IL17REL: variants seen among roughly 807,000 people sequenced by gnomAD.
IL17REL encodes the protein interleukin 17 receptor E like.
Under a neutral mutation model 49.0 loss-of-function variants are expected in IL17REL, and 36 were observed. The observed-to-expected ratio is 0.73, with a 90% CI of 0.56 to 0.97. IL17REL has a LOEUF of 0.97. Ranked by LOEUF, IL17REL falls within the 50% of genes least tolerant of loss-of-function variation. IL17REL has a pLI of 0.00. For synonymous variants in IL17REL, 206 were observed against 192.4 expected (o/e 1.07, Z -0.58); for missense variants, 470 against 453.9 (o/e 1.04, Z -0.32).
At position 50,000,627 on chromosome 22, in the gene IL17REL, G is replaced by C. The variant is rs367789597; in HGVS notation, c.220-35C>G. 14 of 1,587,686 alleles carry C rather than the reference G, an allele frequency of 8.8e-6. No individual in the cohort carries two copies. In the African/African-American group the frequency reaches 1.5e-4, roughly 17 times the overall value. ...TGCAGGTGTGAGCTGCGTGGACTCA[G>C]AGGCACTGCCCACCCCACCCGGCCA... On this transcript the variant is annotated intron_variant, in intron 3 of 12. Coordinates refer to ENST00000341280, the Ensembl canonical transcript of IL17REL.
chr22:50,011,094 C>T (rs1351915919), upstream of IL17REL, among the ~76,000 whole-genome samples: 1 of 151,846 alleles, frequency 6.6e-6, no homozygotes, highest in African/African-American at 2.4e-5. Flanking sequence ...CAACCACCGC[C>T]CTGTCCAAGG....
Position 50,007,544 on chromosome 22 carries a change from T to TTTGG in IL17REL, c.-42+1092_-42+1093insCCAA, listed in dbSNP as rs1555949675. ...TGCCACCACACTCAGTTAATTTTTT[T>TTTGG]GGGGGGGGGATTCTTAGTACAGACA... On this transcript the variant is annotated intron_variant, in intron 1 of 12. Coordinates refer to ENST00000341280, the Ensembl canonical transcript of IL17REL. 6.0e-5 allele frequency among the ~76,000 whole-genome samples: 9 copies of TTTGG among 150,190 alleles called. No individual in the cohort carries two copies. The East Asian group carries it at 1.2e-3, about 20-fold the overall frequency.
At chr22:49,998,538 G>A (rs866796895) in intron 7 of IL17REL, among the ~76,000 whole-genome samples, 33 of 152,240 alleles carry the variant, frequency 2.2e-4, no homozygotes, top group African/African-American at 7.9e-4. Context: ...GTGCATGGGT[G>A]TCATGGGTAT....
chr22:50,011,537 A>G (rs539179247), upstream of IL17REL, among the ~76,000 whole-genome samples: 6 of 151,418 alleles, frequency 4.0e-5, no homozygotes, highest in East Asian at 2.0e-4. Context: ...CTGAGGTCTC[A>G]TCTCTCGCTT....
chr22:50,006,826 A>G (rs1438616331), intron 1 of IL17REL, among the ~76,000 whole-genome samples: 1 of 151,860 alleles, frequency 6.6e-6, no homozygotes, highest in Non-Finnish European at 1.5e-5. Flanking sequence ...ATGGTGGCAC[A>G]TGCCTGTAAT....
chr22:49,998,036 G>A (rs746848141), exon 9 of IL17REL: 2 of 1,597,182 alleles, frequency 1.3e-6, no homozygotes, highest in Non-Finnish European at 1.7e-6. Flanking sequence ...TTCAGGCAGA[G>A]CTGGGGCTGG....
intron 10 of IL17REL, 87 bp downstream of exon 12, chr22:49,997,598 G>A (rs755563298): frequency 3.0e-5 from 45 of 1,477,094 alleles, no homozygotes; most frequent in African/African-American, 2.4e-4. Flanking sequence ...GCTTGGCACC[G>A]TTATTCCACC....
In IL17REL at chr22:50,001,603, G is replaced by A. The variant is rs577166297; in HGVS notation, c.-41-372C>T. ...GACGAACAGCAGAAAAGGCCAACAC[G>A]GGCTTGCTGGGACACCTGGGAGGCG... On this transcript the variant is annotated intron_variant, in intron 1 of 12. Transcript: ENST00000341280. Among the ~76,000 whole-genome samples, 60 of 152,332 alleles carry A rather than the reference G, an allele frequency of 3.9e-4. 1 individual carries two copies. Among genetic ancestry groups the A allele is most frequent in the African/African-American group, 1.3e-3 (55 of 41,576 alleles).
At chr22:49,997,395 G>T in exon 11 of IL17REL, 1 of 1,613,846 alleles carries the variant, frequency 6.2e-7, no homozygotes, top group Non-Finnish European at 8.5e-7. Flanking sequence ...TGTGACACAG[G>T]TGCACCTGGA....
chr22:49,996,745 G>C (rs559314603), exon 13 of IL17REL: 41 of 429,974 alleles, frequency 9.5e-5, no homozygotes, highest in Non-Finnish European at 1.6e-4. Flanking sequence ...CCAGCCTGCC[G>C]TGGGAGGCCT....
intron 7 of IL17REL, 40 bp downstream of exon 9, chr22:49,999,251 A>G: frequency 6.2e-7 from 1 of 1,611,204 alleles, no homozygotes; most frequent in Non-Finnish European, 8.5e-7. Context: ...GGCCGCAGCC[A>G]TTCCCACCCT....
chr22:50,011,207 C>T (rs2061139469), upstream of IL17REL, among the ~76,000 whole-genome samples: 1 of 151,570 alleles, frequency 6.6e-6, no homozygotes, highest in Non-Finnish European at 1.5e-5. Context: ...CCATGAGACC[C>T]TCCCTCAGCC....
upstream of IL17REL, chr22:50,008,924 G>A (rs2061124076): frequency 6.6e-6 from 1 of 152,296 alleles, no homozygotes; most frequent in Admixed American, 6.5e-5. Flanking sequence ...CACCCACTAC[G>A]TGCCAGGCTC....
chr22:50,003,296 C>T (rs542532525), intron 1 of IL17REL, among the ~76,000 whole-genome samples: 407 of 152,032 alleles, frequency 2.7e-3, no homozygotes, highest in Non-Finnish European at 4.5e-3. Context: ...CCAAGGCGGG[C>T]GGATCACCTG....
chr22:50,003,519 C>CAAAAAAAAAAA (rs142337526), intron 1 of IL17REL, among the ~76,000 whole-genome samples: 1 of 39,080 alleles, frequency 2.6e-5, no homozygotes, highest in Admixed American at 3.6e-4. Flanking sequence ...GACTCCATCT[C>CAAAAAAAAAAA]AAAAAAAAAA....
chr22:50,001,300 G>A (rs2061078907), intron 1 of IL17REL, 69 bp from the exon 3 acceptor site: 6 of 686,284 alleles, frequency 8.7e-6, no homozygotes, highest in African/African-American at 1.9e-5. Flanking sequence ...GGGTGGTTCT[G>A]GGAAGGGGGA....
intron 5 of IL17REL, 67 bp from the exon 8 acceptor site, chr22:49,999,569 C>T (rs1376703262): frequency 3.1e-6 from 4 of 1,285,390 alleles, no homozygotes; most frequent in Admixed American, 2.0e-5. Flanking sequence ...GTGGGCGGGA[C>T]CTGCACCGAA....
chr22:50,001,251 G>A lies in IL17REL; in HGVS notation c.-41-20C>T, dbSNP rs2061078579. On this transcript the variant is annotated intron_variant, in intron 1 of 12. Coordinates refer to ENST00000341280, the Ensembl canonical transcript of IL17REL. ...TGTTCCCTGGGGAGGGAGAAGGAGC[G>A]TGAGGCCTCGAGTTCCCTGGTGCTC... is the stretch of plus-strand genomic sequence containing the variant. 3.9e-5 allele frequency: 42 copies of A among 1,084,068 alleles called. 1 individual carries two copies. The Middle Eastern group carries it at 2.0e-3, about 53-fold the overall frequency. The allele number at this position is 1,084,068 out of a possible 1,614,324, so 67.2% of individuals were successfully genotyped here. A position where few individuals can be genotyped will look rare whatever the true frequency, so the allele number is the denominator to read the frequency against.
Position 49,999,818 on chromosome 22 carries a change from G to T in IL17REL, c.474+10C>A. ...TAAGGCTGACCGGGGCCCGGGGCGC[G>T]GGCGCTCACTCGCACAGGGGCGCCG... is the stretch of plus-strand genomic sequence containing the variant. On this transcript the variant is annotated intron_variant, in intron 5 of 12. Coordinates refer to ENST00000341280, the Ensembl canonical transcript of IL17REL. 1 of 1,495,926 alleles carries T rather than the reference G, an allele frequency of 6.7e-7. No homozygotes were observed. The highest frequency in any genetic ancestry group is 8.9e-7 in the Non-Finnish European group (1 of 1,121,910). The allele number at this position is 1,495,926 out of a possible 1,614,324, so 92.7% of individuals were successfully genotyped here.
Sources: gnomAD v4.1 joint callset for allele counts (sites outside exome capture counted in the v4.1 genomes callset) on GRCh38, gnomAD v4.1.1 for gene constraint, MANE v1.5 for transcripts, NCBI Gene and HGNC (gene_info 2026-07-23, HGNC 2026-07-21) for gene names.